The following HSD17B12 variants were observed in gnomAD, a reference collection of about 807,000 sequenced individuals.
HSD17B12 encodes hydroxysteroid 17-beta dehydrogenase 12.
HSD17B12 carries 32 observed loss-of-function variants against 39.3 expected under a neutral mutation model. The ratio of observed to expected loss-of-function variants is 0.81; its 90% CI spans 0.61 to 1.09. The LOEUF is 1.09. Among genes scored for constraint, HSD17B12 ranks in the 50% least tolerant of loss-of-function variants. The probability of loss-of-function intolerance (pLI) is 0.00; values close to 1 mark genes in which losing one functional copy is unlikely to be tolerated. For synonymous variants in HSD17B12, 150 were observed against 146.7 expected, an observed-to-expected ratio of 1.02 and a Z score of -0.16; for missense variants, 342 against 382.9, an observed-to-expected ratio of 0.89 and a Z score of 0.89.
the HSD17B12 span, among the ~76,000 whole-genome samples, chr11:43,599,995 TG>T: frequency 6.6e-6 from 1 of 152,192 alleles, no homozygotes; most frequent in Admixed American, 6.6e-5. Context: ...TCCTTTACCC[TG>T]GGTTATTCAG....
chr11:43,847,058 A>G (rs1951482840), intron 9 of HSD17B12, among the ~76,000 whole-genome samples: 1 of 146,394 alleles, frequency 6.8e-6, no homozygotes, highest in African/African-American at 2.5e-5. Context: ...ACTAAAAAAG[A>G]GTGATATGTT....
At chr11:43,689,924 C>T (rs1240762029) in intron 1 of HSD17B12, among the ~76,000 whole-genome samples, 1 of 152,126 alleles carries the variant, frequency 6.6e-6, no homozygotes, top group Non-Finnish European at 1.5e-5. Flanking sequence ...TACTCCGTTC[C>T]ACCCACATAC....
chr11:43,766,387 T>C (rs752702058), intron 3 of HSD17B12, among the ~76,000 whole-genome samples: 31 of 152,208 alleles, frequency 2.0e-4, no homozygotes, highest in Non-Finnish European at 3.5e-4. Flanking sequence ...TCATGCATTC[T>C]TTATTGTCCA....
intron 4 of HSD17B12, among the ~76,000 whole-genome samples, chr11:43,811,477 C>T (rs988971315): frequency 6.6e-6 from 1 of 152,148 alleles, no homozygotes; most frequent in Non-Finnish European, 1.5e-5. Context: ...CCAGCTTTAA[C>T]ATTGTTTTAT....
At chr11:43,572,908 G>A in the HSD17B12 span, among the ~76,000 whole-genome samples, 1 of 152,190 alleles carries the variant, frequency 6.6e-6, no homozygotes, top group African/African-American at 2.4e-5. Flanking sequence ...TATCATGGGA[G>A]CTGGACTGTT....
chr11:43,627,849 T>G, the HSD17B12 span, among the ~76,000 whole-genome samples: 1 of 152,002 alleles, frequency 6.6e-6, no homozygotes, highest in East Asian at 1.9e-4. Flanking sequence ...TCTGTCTTCA[T>G]GGCATTATTA....
intron 1 of HSD17B12, among the ~76,000 whole-genome samples, chr11:43,732,040 A>G (rs1401004942): frequency 6.6e-6 from 1 of 152,118 alleles, no homozygotes; most frequent in Non-Finnish European, 1.5e-5. Context: ...TGTAGTTCCC[A>G]TAATCTCCTT....
At chr11:43,606,685 C>A in the HSD17B12 span, among the ~76,000 whole-genome samples, 1 of 152,178 alleles carries the variant, frequency 6.6e-6, no homozygotes, top group Non-Finnish European at 1.5e-5. Flanking sequence ...GAGCTCTAAG[C>A]AGGAGTCCCT....
chr11:43,852,568 A>G (rs982440770), intron 9 of HSD17B12: 40 of 151,724 alleles, frequency 2.6e-4, no homozygotes, highest in African/African-American at 9.7e-4. Context: ...ATTTACATAT[A>G]CTCTTTCTTT....
At chr11:43,752,279 T>C (rs538905760) in intron 2 of HSD17B12, among the ~76,000 whole-genome samples, 1 of 152,322 alleles carries the variant, frequency 6.6e-6, no homozygotes, top group South Asian at 2.1e-4. Flanking sequence ...TTATTGATTA[T>C]AAACGTAATT....
intron 1 of HSD17B12, among the ~76,000 whole-genome samples, chr11:43,721,511 C>G (rs373772612): frequency 6.6e-6 from 1 of 151,998 alleles, no homozygotes; most frequent in Non-Finnish European, 1.5e-5. Context: ...CCCAGCTACT[C>G]GGGAGGCTAA....
At chr11:43,654,939 A>T in the HSD17B12 span, among the ~76,000 whole-genome samples, 2 of 152,176 alleles carry the variant, frequency 1.3e-5, no homozygotes, top group African/African-American at 4.8e-5. Flanking sequence ...CAATTCTGTG[A>T]AGAAAGTCAT....
At chr11:43,828,009 T>C (rs1951264324) in intron 6 of HSD17B12, among the ~76,000 whole-genome samples, 1 of 152,204 alleles carries the variant, frequency 6.6e-6, no homozygotes, top group African/African-American at 2.4e-5. Context: ...TAGGATTTTC[T>C]TGTGGTGAGG....
chr11:43,855,163 T>G lies in HSD17B12; in HGVS notation c.854T>G (p.Leu285Arg). The part of the protein sequence containing the change: ...HALMGSIISN[L>R]PSWIYLKIVM... ...CCCTAGGGCTCGATAATCTCAAACC[T>G]GCCTTCTTGGATTTATTTGAAAATA... The change falls in exon 11 of 11, where the codon CTG becomes CGG. Residue 285 changes from leucine (L) to arginine (R), a missense_variant. Coordinates refer to ENST00000278353, the MANE Select transcript of HSD17B12 (RefSeq NM_016142.3). The G allele has an allele frequency of 6.2e-7, 1 of 1,609,626 alleles. No homozygotes were observed. The highest frequency in any genetic ancestry group is 8.5e-7 in the Non-Finnish European group (1 of 1,177,388).
intron 6 of HSD17B12, among the ~76,000 whole-genome samples, chr11:43,826,617 T>A (rs1565103318): frequency 6.6e-6 from 1 of 151,976 alleles, no homozygotes; most frequent in Non-Finnish European, 1.5e-5. Flanking sequence ...CTCTTAACTT[T>A]CACAAAAACT....
At chr11:43,677,838 A>G (rs975632225), upstream of HSD17B12, among the ~76,000 whole-genome samples, 1 of 152,188 alleles carries the variant, frequency 6.6e-6, no homozygotes, top group Admixed American at 6.5e-5. Context: ...AATCCAGTCT[A>G]TCATTGTTGG....
At chr11:43,663,042 T>A in the HSD17B12 span, among the ~76,000 whole-genome samples, 1 of 151,878 alleles carries the variant, frequency 6.6e-6, no homozygotes, top group Non-Finnish European at 1.5e-5. Context: ...TAATTAGATT[T>A]AAAAAAAATT....
chr11:43,745,284 C>G (rs1042190084), intron 1 of HSD17B12, among the ~76,000 whole-genome samples: 17 of 152,172 alleles, frequency 1.1e-4, no homozygotes, highest in African/African-American at 3.1e-4. Context: ...GCACATGCAA[C>G]AGTTATCTGT....
At chr11:43,742,234 C>T (rs1216245755) in intron 1 of HSD17B12, among the ~76,000 whole-genome samples, 1 of 149,764 alleles carries the variant, frequency 6.7e-6, no homozygotes, top group Non-Finnish European at 1.5e-5. Flanking sequence ...ACTTCCTGAG[C>T]TCAGAGGATC....
Sources: gnomAD v4.1 joint callset for allele counts (sites outside exome capture counted in the v4.1 genomes callset) on GRCh38, gnomAD v4.1.1 for gene constraint, MANE v1.5 for transcripts, NCBI Gene and HGNC (gene_info 2026-07-23, HGNC 2026-07-21) for gene names.